Variants in SHCBP1 observed in about 807,000 individuals in gnomAD.
The protein encoded by SHCBP1 is SHC binding and spindle associated 1, also known as SHC SH2 domain-binding protein 1.
SHCBP1 carries 60 observed loss-of-function variants against 75.1 expected under a neutral mutation model. The ratio of observed to expected loss-of-function variants is 0.80; its 90% confidence interval spans 0.65 to 0.99. SHCBP1 has a LOEUF of 0.99. Among genes scored for constraint, SHCBP1 ranks in the 50% least tolerant of loss-of-function variants. The probability of loss-of-function intolerance (pLI) is 0.00; values close to 1 mark genes in which losing one functional copy is unlikely to be tolerated. For synonymous variants in SHCBP1, 290 were observed against 293.2 expected (o/e 0.99, Z 0.11); for missense variants, 709 against 809.4 (o/e 0.88, Z 1.50).
rs1965287554 is a variant in SHCBP1 at position 46,604,101 on chromosome 16, C to CT, written c.965dup (p.Val324CysfsTer35). 2 of 1,614,166 alleles carry CT rather than the reference C, an allele frequency of 1.2e-6. No homozygotes were observed. The highest frequency in any genetic ancestry group is 2.2e-5 in the South Asian group (2 of 91,066). On this transcript the variant is annotated frameshift_variant, in exon 7 of 13. Transcript: ENST00000303383. LOFTEE classifies it high-confidence loss of function. ...TCTTCTGACCGCTGGAACGGACACC[C>CT]TTTGCTTGGATGTTAGAATTCTTCT...
At chr16:46,615,799 G>T in intron 4 of SHCBP1, 147 bp downstream of exon 4, 4 of 640,304 alleles carry the variant, frequency 6.2e-6, no homozygotes, top group East Asian at 2.7e-5. Context: ...ATTTAAAAAA[G>T]ATTATCCTAT....
Position 46,600,310 on chromosome 16 carries a change from CA to C in SHCBP1, c.1214-349del, listed in dbSNP as rs1214630345. On this transcript the variant is annotated intron_variant, in intron 8 of 12. Transcript: ENST00000303383. ...AGTGAGATTCCATCTCTACAAAAAC[CA>C]AAAAAATTAGTCAGGCATGGTGGCA... Among the ~76,000 whole-genome samples, 3 of 151,856 alleles carry C rather than the reference CA, an allele frequency of 2.0e-5. No individual in the cohort carries two copies. The East Asian group carries it at 5.8e-4, about 29-fold the overall frequency.
chr16:46,618,488 G>A, intron 1 of SHCBP1, 116 bp from the exon 2 acceptor site: 1 of 1,133,768 alleles, frequency 8.8e-7, no homozygotes, highest in African/African-American at 1.6e-5. Flanking sequence ...AATATGAATA[G>A]TCTACTTACC....
chr16:46,591,854 AG>A (rs1209221033), intron 10 of SHCBP1, among the ~76,000 whole-genome samples: 4 of 152,158 alleles, frequency 2.6e-5, no homozygotes, highest in African/African-American at 9.7e-5. Context: ...GAAAGATAAT[AG>A]TAAAACTCCA....
intron 11 of SHCBP1, 38 bp from the exon 12 acceptor site, chr16:46,583,695 A>G (rs1280005524): frequency 3.2e-6 from 5 of 1,579,716 alleles, no homozygotes; most frequent in Non-Finnish European, 4.3e-6. Flanking sequence ...GAACTGTCAT[A>G]TTCAACATTT....
chr16:46,584,176 C>A, intron 10 of SHCBP1, 87 bp from the exon 11 acceptor site: 2 of 920,674 alleles, frequency 2.2e-6, no homozygotes, highest in Admixed American at 2.4e-5. Context: ...TAGCCTTTAA[C>A]ACAGTACAAA....
intron 11 of SHCBP1, 99 bp downstream of exon 11, chr16:46,583,904 T>A: frequency 8.5e-7 from 1 of 1,175,776 alleles, no homozygotes; most frequent in Non-Finnish European, 1.2e-6. Flanking sequence ...GTTTATGCTT[T>A]TCAAAACCAG....
In SHCBP1 at chr16:46,616,322, T is replaced by C. The variant is rs1260546969; in HGVS notation, c.388-168A>G. On this transcript the variant is annotated intron_variant, in intron 3 of 12. Transcript: ENST00000303383. The surrounding 1 kb of genome is among the most constrained non-coding windows in gnomAD (Gnocchi z 4.4). ...AGGCTGCCTCTTACCCTCATGGAGC[T>C]TACACTGTAATCAGGGAGATCAACA... Among the ~76,000 whole-genome samples, 1 of 152,214 alleles carries C rather than the reference T, an allele frequency of 6.6e-6. No homozygotes were observed. Among genetic ancestry groups the C allele is most frequent in the Non-Finnish European group, 1.5e-5 (1 of 68,032 alleles).
chr16:46,583,866 T>C, intron 11 of SHCBP1, 137 bp downstream of exon 11: 1 of 898,678 alleles, frequency 1.1e-6, no homozygotes, highest in South Asian at 1.7e-5. Context: ...GAGATTCCAA[T>C]CACTGATATT....
In SHCBP1 at chr16:46,603,875, G is replaced by A. The variant is rs759692548; in HGVS notation, c.1092+100C>T. 5.3e-4 allele frequency: 777 copies of A among 1,460,116 alleles called. 1 individual carries two copies. The highest frequency in any genetic ancestry group is 6.6e-4 in the Non-Finnish European group (715 of 1,085,294). The allele number at this position is 1,460,116 out of a possible 1,614,324, so 90.4% of individuals were successfully genotyped here. On this transcript the variant is annotated intron_variant, in intron 7 of 12. Transcript: ENST00000303383. ...CACTACTTCCCATGCACAGAAAACC[G>A]TCTTGGGAAAGCTCCTGTAAATACT... is the stretch of plus-strand genomic sequence containing the variant.
intron 4 of SHCBP1, among the ~76,000 whole-genome samples, chr16:46,611,772 C>T (rs1403924522): frequency 2.6e-5 from 4 of 152,154 alleles, no homozygotes; most frequent in Non-Finnish European, 5.9e-5. Flanking sequence ...CAATGCCTGG[C>T]CATGTCTTTT....
In SHCBP1 at chr16:46,579,947, A is replaced by G. The variant is rs1365103334; in HGVS notation, c.*1782T>C. The stretch of plus-strand genomic sequence containing the variant: ...CATCTCAAAAACAAAACAAAATAAA[A>G]TAAAAATAAAATAAATACAAAAAAA... On this transcript the variant is annotated 3_prime_UTR_variant, in exon 13 of 13. Transcript: ENST00000303383. Among the ~76,000 whole-genome samples, 1 of 151,076 alleles carries G rather than the reference A, an allele frequency of 6.6e-6. No homozygotes were observed. Among genetic ancestry groups the G allele is most frequent in the Admixed American group, 6.6e-5 (1 of 15,152 alleles).
rs1045486151 is a variant in SHCBP1 at position 46,579,797 on chromosome 16, T to A, written c.*1932A>T. The stretch of plus-strand genomic sequence containing the variant: ...TAAAAATACAAAAATTAGCCAGGCA[T>A]GGTGGCTGTCATACCAGCTACTTGG... On this transcript the variant is annotated 3_prime_UTR_variant, in exon 13 of 13. Coordinates refer to ENST00000303383, the MANE Select transcript of SHCBP1 (RefSeq NM_024745.5). Among the ~76,000 whole-genome samples the A allele has an allele frequency of 5.3e-5, 8 of 152,086 alleles. No individual in the cohort carries two copies. The highest frequency in any genetic ancestry group is 5.9e-5 in the Non-Finnish European group (4 of 68,012).
intron 5 of SHCBP1, among the ~76,000 whole-genome samples, chr16:46,606,822 AC>A (rs1325631347): frequency 6.6e-6 from 1 of 151,692 alleles, no homozygotes; most frequent in Non-Finnish European, 1.5e-5. Context: ...AGACTTTCAA[AC>A]TTTTTTTTTT....
chr16:46,583,483 T>C lies in SHCBP1; in HGVS notation c.1693+33A>G, dbSNP rs199860235. The C allele has an allele frequency of 7.7e-6, 12 of 1,567,620 alleles. No homozygotes were observed. In the East Asian group the frequency reaches 2.5e-4, roughly 32 times the overall value. On this transcript the variant is annotated intron_variant, in intron 12 of 12. Coordinates refer to ENST00000303383, the MANE Select transcript of SHCBP1 (RefSeq NM_024745.5). ...GCATTTAATGCTGAAATAAATTATG[T>C]CTGGTTTTTATATTAAAAATTACTA...
rs1452060806 is a variant in SHCBP1 at position 46,621,164 on chromosome 16, C to T, written c.103+93G>A. On this transcript the variant is annotated intron_variant, in intron 1 of 12. Transcript: ENST00000303383. Reference sequence around the variant, plus strand: ...TCCCGCCACCCTGGACAGACGGGTCCGGAAGGCCCGCGACCCAGGCGCCCT... The same window carrying T: ...TCCCGCCACCCTGGACAGACGGGTCTGGAAGGCCCGCGACCCAGGCGCCCT... The T allele has an allele frequency of 6.8e-6, 8 of 1,178,856 alleles. No homozygotes were observed. In the East Asian group the frequency reaches 1.3e-4, roughly 19 times the overall value. The allele number at this position is 1,178,856 out of a possible 1,614,324, so 73.0% of individuals were successfully genotyped here.
rs763965063 is a variant in SHCBP1, at chr16:46,608,269, TACA to T, written c.689+25_689+27del. On this transcript the variant is annotated intron_variant, in intron 5 of 12. Coordinates refer to ENST00000303383, the MANE Select transcript of SHCBP1 (RefSeq NM_024745.5). Reference sequence around the variant, plus strand: ...CATGGGTAACTATTTTTCCAACATGTACAACAAGGTCAGCAATAAATACTTACA... The same window carrying T: ...CATGGGTAACTATTTTTCCAACATGTACAAGGTCAGCAATAAATACTTACA... The T allele has an allele frequency of 9.7e-6, 15 of 1,539,464 alleles. No individual in the cohort carries two copies. In the African/African-American group the frequency reaches 2.0e-4, roughly 21 times the overall value.
intron 4 of SHCBP1, among the ~76,000 whole-genome samples, chr16:46,608,926 TTTA>T (rs1324479086): frequency 6.6e-6 from 1 of 152,080 alleles, no homozygotes; most frequent in Non-Finnish European, 1.5e-5. Flanking sequence ...GGAAGAATTA[TTTA>T]TTGACCACCA....
intron 8 of SHCBP1, among the ~76,000 whole-genome samples, chr16:46,602,931 C>T (rs943302189): frequency 7.9e-5 from 12 of 152,054 alleles, no homozygotes; most frequent in Non-Finnish European, 1.5e-4. Context: ...ACACCCAGCC[C>T]AAAAAGTTAT....
Sources: gnomAD v4.1 joint callset for allele counts (sites outside exome capture counted in the v4.1 genomes callset) on GRCh38, gnomAD v4.1.1 for gene constraint, Gnocchi (gnomAD v3.1) non-coding constraint, MANE v1.5 for transcripts, NCBI Gene and HGNC (gene_info 2026-07-23, HGNC 2026-07-21) for gene names.